Variants in SPOCK1 observed in about 807,000 individuals in gnomAD.
SPOCK1 encodes the protein testican-1.
Under a neutral mutation model 55.3 loss-of-function variants are expected in SPOCK1, and 23 were observed. The ratio of observed to expected loss-of-function variants is 0.42; its 90% CI spans 0.30 to 0.59. The LOEUF (loss-of-function observed/expected upper bound fraction) is 0.59, where lower values mean the gene tolerates loss of function less well. Among genes scored for constraint, SPOCK1 ranks in the 20% least tolerant of loss-of-function variants. SPOCK1 has a pLI of 0.22. For synonymous variants in SPOCK1, 226 were observed against 221.0 expected (o/e 1.02, Z -0.20); for missense variants, 499 against 552.5 (o/e 0.90, Z 0.97).
intron 2 of SPOCK1, among the ~76,000 whole-genome samples, chr5:137,286,985 G>T (rs1377918711): frequency 6.6e-6 from 1 of 152,162 alleles, no homozygotes; most frequent in East Asian, 1.9e-4. Flanking sequence ...AGGTGCTGGA[G>T]AATTTCCCTA....
At chr5:137,039,505 A>T (rs1751953595) in intron 6 of SPOCK1, among the ~76,000 whole-genome samples, 2 of 151,916 alleles carry the variant, frequency 1.3e-5, no homozygotes, top group African/African-American at 4.8e-5. Context: ...TTTGCAGAAG[A>T]CTCAAGTTGG....
intron 9 of SPOCK1, 135 bp downstream of exon 9, chr5:136,985,005 T>C: frequency 1.1e-6 from 1 of 889,424 alleles, no homozygotes; most frequent in Non-Finnish European, 1.8e-6. Flanking sequence ...GGAAGAGCTC[T>C]GCCTGGGGTT....
chr5:137,229,962 G>C (rs956541586), intron 3 of SPOCK1, among the ~76,000 whole-genome samples: 1 of 152,150 alleles, frequency 6.6e-6, no homozygotes, highest in Non-Finnish European at 1.5e-5. Flanking sequence ...CCCATGGGTA[G>C]GGGACCCCTG....
chr5:137,425,830 T>C (rs980727746), intron 2 of SPOCK1, among the ~76,000 whole-genome samples: 1 of 152,226 alleles, frequency 6.6e-6, no homozygotes, highest in Non-Finnish European at 1.5e-5. Flanking sequence ...TAGAAAGCCA[T>C]ATTCACAAAA....
intron 3 of SPOCK1, among the ~76,000 whole-genome samples, chr5:137,210,358 C>G (rs1481871101): frequency 6.6e-6 from 1 of 152,170 alleles, no homozygotes; most frequent in African/African-American, 2.4e-5. Flanking sequence ...CAGGCTAGAA[C>G]TGGATACATT....
chr5:137,319,616 G>C (rs778792809), intron 2 of SPOCK1, among the ~76,000 whole-genome samples: 55 of 152,240 alleles, frequency 3.6e-4, no homozygotes, highest in Non-Finnish European at 1.5e-4. Flanking sequence ...TAGGAAACCC[G>C]AGAGCTCACT....
chr5:137,261,968 T>C (rs1364185686), intron 3 of SPOCK1, among the ~76,000 whole-genome samples: 1 of 152,184 alleles, frequency 6.6e-6, no homozygotes, highest in Non-Finnish European at 1.5e-5. Flanking sequence ...TATTCTAAAG[T>C]AGTATAGTGG....
chr5:137,275,320 A>G (rs1056650443), intron 2 of SPOCK1, among the ~76,000 whole-genome samples: 3 of 152,178 alleles, frequency 2.0e-5, no homozygotes, highest in Non-Finnish European at 4.4e-5. Context: ...GCCTCCATGA[A>G]CATCCAGATG....
intron 2 of SPOCK1, among the ~76,000 whole-genome samples, chr5:137,463,726 G>A (rs1031013345): frequency 2.6e-5 from 4 of 152,042 alleles, no homozygotes; most frequent in Admixed American, 1.3e-4. Flanking sequence ...AAGGTGGGTG[G>A]ATCACAAGGT....
At chr5:137,461,695 C>T (rs983302634) in intron 2 of SPOCK1, among the ~76,000 whole-genome samples, 4 of 152,136 alleles carry the variant, frequency 2.6e-5, no homozygotes, top group Non-Finnish European at 5.9e-5. Flanking sequence ...AGCAGAGCTG[C>T]CTTTTAAGAA....
chr5:137,259,688 T>TAAAAAAAAAAAA (rs61576266), intron 3 of SPOCK1, among the ~76,000 whole-genome samples: 1 of 130,244 alleles, frequency 7.7e-6, no homozygotes, highest in African/African-American at 2.9e-5. Flanking sequence ...CACATGAAAG[T>TAAAAAAAAAAAA]AAAAAAAAAA....
intron 2 of SPOCK1, among the ~76,000 whole-genome samples, chr5:137,467,440 C>G (rs1033157021): frequency 1.3e-5 from 2 of 152,154 alleles, no homozygotes; most frequent in African/African-American, 4.8e-5. Context: ...TACTTGGTGC[C>G]AAGCTATGTG....
intron 5 of SPOCK1, among the ~76,000 whole-genome samples, chr5:137,098,760 T>TA: frequency 6.6e-6 from 1 of 152,332 alleles, no homozygotes; most frequent in East Asian, 1.9e-4. Flanking sequence ...CCCAGATACT[T>TA]AGAGACTTTG....
intron 5 of SPOCK1, among the ~76,000 whole-genome samples, chr5:137,089,505 G>C (rs978148323): frequency 6.6e-6 from 1 of 152,170 alleles, no homozygotes; most frequent in Non-Finnish European, 1.5e-5. Flanking sequence ...TGGGGCACCA[G>C]CAAGCTCTTC....
intron 3 of SPOCK1, among the ~76,000 whole-genome samples, chr5:137,242,966 AG>A (rs1756315851): frequency 6.6e-6 from 1 of 151,908 alleles, no homozygotes; most frequent in African/African-American, 2.4e-5. Flanking sequence ...CAGTGGTGAC[AG>A]GGTGAGAAAA....
At chr5:137,027,032 G>A (rs1326892827) in intron 6 of SPOCK1, among the ~76,000 whole-genome samples, 2 of 152,100 alleles carry the variant, frequency 1.3e-5, no homozygotes, top group East Asian at 3.9e-4. Flanking sequence ...TTAAACTCAT[G>A]TATTTTTATG....
At position 137,267,067 on chromosome 5, in the gene SPOCK1, A is replaced by G; in HGVS notation, c.187-12T>C. 6.2e-7 allele frequency: 1 copy of G among 1,610,700 alleles called. No homozygotes were observed. Among genetic ancestry groups the G allele is most frequent in the Non-Finnish European group, 8.5e-7 (1 of 1,177,332 alleles). On this transcript the variant is annotated splice_polypyrimidine_tract_variant and intron_variant, in intron 2 of 10. Transcript: ENST00000394945. ...CTGAAATAATCATCCTATATAAGGAAAAAATAGAAAACAAAGGTCAGAGTT... is the reference window on the plus strand; with the variant it reads ...CTGAAATAATCATCCTATATAAGGAGAAAATAGAAAACAAAGGTCAGAGTT...
intron 3 of SPOCK1, among the ~76,000 whole-genome samples, chr5:137,248,747 T>C (rs77969630): frequency 0.034 from 5,248 of 152,202 alleles, 338 homozygotes; most frequent in African/African-American, 0.12. Flanking sequence ...ATAAAGGGCT[T>C]AGTAAAGAAG....
chr5:137,090,270 C>T (rs1393051134), intron 5 of SPOCK1, among the ~76,000 whole-genome samples: 1 of 152,232 alleles, frequency 6.6e-6, no homozygotes, highest in African/African-American at 2.4e-5. Flanking sequence ...GTCAACAAAA[C>T]TGCTACGTAA....
Sources: allele counts gnomAD v4.1 joint callset (sites outside exome capture counted in the v4.1 genomes callset), GRCh38; gene constraint gnomAD v4.1.1; transcripts MANE v1.5; gene names NCBI Gene and HGNC (gene_info 2026-07-23, HGNC 2026-07-21).